TASP1: variants seen among roughly 807,000 people sequenced by gnomAD.
TASP1 encodes taspase 1, also known as threonine aspartase 1.
TASP1 carries 16 observed loss-of-function variants against 56.6 expected under a neutral mutation model. The observed-to-expected ratio is 0.28, with a 90% CI of 0.19 to 0.43. The LOEUF is 0.43. TASP1 is among the 20% of genes least tolerant of loss of function. The pLI is 1.00. For missense variants in TASP1, 393 were observed against 511.6 expected, an observed-to-expected ratio of 0.77 and a Z score of 2.24; for synonymous variants, 179 against 184.2, an observed-to-expected ratio of 0.97 and a Z score of 0.23.
At chr20:13,612,017 C>T (rs145322367) in intron 4 of TASP1, among the ~76,000 whole-genome samples, 19 of 152,242 alleles carry the variant, frequency 1.2e-4, no homozygotes, top group East Asian at 7.7e-4. Flanking sequence ...TCTAAGCTTG[C>T]GTAAATCTTC....
chr20:13,169,476 A>T, the TASP1 span, among the ~76,000 whole-genome samples: 4 of 152,150 alleles, frequency 2.6e-5, no homozygotes, highest in Admixed American at 2.6e-4. Context: ...TTATCATAGC[A>T]AAGGCCTCAG....
chr20:13,181,866 T>A, the TASP1 span, among the ~76,000 whole-genome samples: 1 of 152,186 alleles, frequency 6.6e-6, no homozygotes, highest in Admixed American at 6.5e-5. Flanking sequence ...ATCAAGCACA[T>A]TACCAGGCAT....
At chr20:13,391,441 G>C (rs376801636) in intron 13 of TASP1, among the ~76,000 whole-genome samples, 5 of 152,078 alleles carry the variant, frequency 3.3e-5, no homozygotes, top group African/African-American at 9.7e-5. Flanking sequence ...AAGAAAGAGG[G>C]GCTGCATAAA....
chr20:13,266,262 G>A, the TASP1 span, among the ~76,000 whole-genome samples: 1 of 152,218 alleles, frequency 6.6e-6, no homozygotes, highest in African/African-American at 2.4e-5. Context: ...GTACTGCCAT[G>A]TAAGGCAAAA....
the TASP1 span, among the ~76,000 whole-genome samples, chr20:13,109,364 G>T: frequency 6.6e-6 from 1 of 152,194 alleles, no homozygotes; most frequent in African/African-American, 2.4e-5. Context: ...GACTACATGG[G>T]TTCAAATCCT....
chr20:13,539,927 A>C (rs993669867), intron 8 of TASP1, among the ~76,000 whole-genome samples: 1 of 150,756 alleles, frequency 6.6e-6, no homozygotes, highest in Admixed American at 6.7e-5. Flanking sequence ...CTCAGAGTGC[A>C]TGTTGAATGA....
chr20:13,254,216 G>C, the TASP1 span, among the ~76,000 whole-genome samples: 9 of 151,402 alleles, frequency 5.9e-5, no homozygotes, highest in Non-Finnish European at 1.2e-4. Flanking sequence ...CTGGGCGACA[G>C]AGCAAAACTC....
At chr20:13,293,502 T>C in the TASP1 span, among the ~76,000 whole-genome samples, 1 of 151,352 alleles carries the variant, frequency 6.6e-6, no homozygotes, top group Non-Finnish European at 1.5e-5. Context: ...CAGTCCTGAG[T>C]CTTTTTTTTT....
At chr20:13,479,485 A>T (rs2043058252) in intron 11 of TASP1, among the ~76,000 whole-genome samples, 1 of 148,524 alleles carries the variant, frequency 6.7e-6, no homozygotes, top group African/African-American at 2.5e-5. Flanking sequence ...TTTTTGAGAC[A>T]GAGTTTTTGC....
the TASP1 span, among the ~76,000 whole-genome samples, chr20:13,221,102 G>T: frequency 6.6e-6 from 1 of 152,100 alleles, no homozygotes; most frequent in African/African-American, 2.4e-5. Context: ...GGCGCGGCAG[G>T]CGGCCCCGAG....
chr20:13,459,846 C>T (rs2043986980), intron 11 of TASP1, among the ~76,000 whole-genome samples: 1 of 152,100 alleles, frequency 6.6e-6, no homozygotes, highest in Non-Finnish European at 1.5e-5. Flanking sequence ...CTTCTTGCCT[C>T]CTCAGGGACC....
chr20:13,565,253 C>G lies in TASP1; in HGVS notation c.568+4254G>C, dbSNP rs540218741. Among the ~76,000 whole-genome samples the G allele has an allele frequency of 2.6e-5, 4 of 151,970 alleles. No individual in the cohort carries two copies. The East Asian group carries it at 7.8e-4, about 29-fold the overall frequency. ...ATAAAAAAATTAATTCAAAATGGAT[C>G]AAAGACCTAAGTGTAAGAGCTAAAA... On this transcript the variant is annotated intron_variant, in intron 7 of 13. Transcript: ENST00000337743.
the TASP1 span, among the ~76,000 whole-genome samples, chr20:13,225,101 C>T: frequency 3.9e-5 from 6 of 151,922 alleles, no homozygotes; most frequent in Non-Finnish European, 7.4e-5. Context: ...GATCCGCCCG[C>T]CTTGGCCTCC....
At chr20:13,319,272 G>A in the TASP1 span, among the ~76,000 whole-genome samples, 1 of 151,944 alleles carries the variant, frequency 6.6e-6, no homozygotes, top group Non-Finnish European at 1.5e-5. Flanking sequence ...AGGCCAACTA[G>A]ACTATGAGCA....
the TASP1 span, among the ~76,000 whole-genome samples, chr20:13,249,499 G>A: frequency 4.6e-5 from 7 of 152,226 alleles, no homozygotes; most frequent in Non-Finnish European, 1.0e-4. Context: ...AAGCCCAATC[G>A]AGGATGTTTT....
chr20:13,189,750 C>A, the TASP1 span, among the ~76,000 whole-genome samples: 2,180 of 152,168 alleles, frequency 0.014, 29 homozygotes, highest in South Asian at 0.029. Context: ...GGACATTTCT[C>A]AAAGAACTAA....
intron 1 of TASP1, among the ~76,000 whole-genome samples, chr20:13,634,794 C>T (rs1424270698): frequency 1.3e-5 from 2 of 149,502 alleles, no homozygotes; most frequent in Admixed American, 6.7e-5. Flanking sequence ...TTTGGGAGGC[C>T]GAGGCAGGCC....
At chr20:13,624,393 T>C (rs1450152603) in intron 3 of TASP1, among the ~76,000 whole-genome samples, 2 of 152,082 alleles carry the variant, frequency 1.3e-5, no homozygotes, top group Non-Finnish European at 2.9e-5. Flanking sequence ...TATTACAAAT[T>C]TCAAAAGAAC....
At chr20:13,133,846 G>A in the TASP1 span, among the ~76,000 whole-genome samples, 1 of 152,162 alleles carries the variant, frequency 6.6e-6, no homozygotes, top group Non-Finnish European at 1.5e-5. Flanking sequence ...AGTTCATGTA[G>A]CATTTTCACT....
Sources: gnomAD v4.1 joint callset for allele counts (sites outside exome capture counted in the v4.1 genomes callset) on GRCh38, gnomAD v4.1.1 for gene constraint, MANE v1.5 for transcripts, NCBI Gene and HGNC (gene_info 2026-07-23, HGNC 2026-07-21) for gene names.